PACSIN2: variants seen among roughly 807,000 people sequenced by gnomAD.
The protein encoded by PACSIN2 is protein kinase C and casein kinase substrate in neurons 2.
PACSIN2 carries 25 observed loss-of-function variants against 63.8 expected under a neutral mutation model. The observed-to-expected ratio is 0.39, with a 90% CI of 0.29 to 0.55. The LOEUF is 0.55. Ranked by LOEUF, PACSIN2 falls within the 20% of genes least tolerant of loss-of-function variation. The probability of loss-of-function intolerance (pLI) is 0.62; values close to 1 mark genes in which losing one functional copy is unlikely to be tolerated. For synonymous variants in PACSIN2, 255 were observed against 256.2 expected (o/e 1.00, Z 0.05); for missense variants, 518 against 646.9 (o/e 0.80, Z 2.16).
At chr22:42,950,840 G>A (rs1052430157) in intron 1 of PACSIN2, among the ~76,000 whole-genome samples, 3 of 152,184 alleles carry the variant, frequency 2.0e-5, no homozygotes, top group East Asian at 1.9e-4. Context: ...GTGGGGTCCC[G>A]GGATGGGTAG....
chr22:42,909,406 A>G, intron 2 of PACSIN2: 1 of 402,808 alleles, frequency 2.5e-6, no homozygotes, highest in Non-Finnish European at 5.2e-6. Context: ...CTTCCATGGG[A>G]AAGAGGAACT....
At chr22:42,920,967 G>A (rs901552326) in intron 1 of PACSIN2, among the ~76,000 whole-genome samples, 1 of 151,742 alleles carries the variant, frequency 6.6e-6, no homozygotes, top group Non-Finnish European at 1.5e-5. Context: ...GCTAATTTTT[G>A]TATTTTCCAG....
chr22:42,941,845 C>T (rs766193578), intron 1 of PACSIN2, among the ~76,000 whole-genome samples: 20 of 152,136 alleles, frequency 1.3e-4, no homozygotes, highest in Non-Finnish European at 2.2e-4. Context: ...GGCGCATTCT[C>T]GGCTCACTGC....
At chr22:42,964,155 T>C (rs1920934516) in intron 1 of PACSIN2, among the ~76,000 whole-genome samples, 1 of 152,226 alleles carries the variant, frequency 6.6e-6, no homozygotes, top group South Asian at 2.1e-4. Context: ...CGGTGGCCCA[T>C]GCCTGTAATC....
intron 1 of PACSIN2, among the ~76,000 whole-genome samples, chr22:42,928,417 G>T (rs1406132027): frequency 6.6e-6 from 1 of 152,242 alleles, no homozygotes; most frequent in East Asian, 1.9e-4. Context: ...GGAGGCAGGT[G>T]AGCCTCACAT....
At chr22:42,900,350 G>A (rs909860177) in intron 2 of PACSIN2, among the ~76,000 whole-genome samples, 6 of 152,210 alleles carry the variant, frequency 3.9e-5, no homozygotes, top group African/African-American at 7.2e-5. Context: ...TTTCACTAGC[G>A]ACGGCGTCAT....
intron 2 of PACSIN2, among the ~76,000 whole-genome samples, chr22:42,905,259 A>G (rs1274572936): frequency 6.6e-6 from 1 of 152,268 alleles, no homozygotes; most frequent in East Asian, 1.9e-4. Flanking sequence ...CTGTCTGCAC[A>G]ACAGAAGGAA....
At chr22:42,983,809 C>A (rs140106770) in intron 1 of PACSIN2, among the ~76,000 whole-genome samples, 80 of 151,836 alleles carry the variant, frequency 5.3e-4, no homozygotes, top group Non-Finnish European at 6.6e-4. Context: ...GAATCTTTGT[C>A]TTTGTTCTTC....
intron 1 of PACSIN2, among the ~76,000 whole-genome samples, chr22:42,934,320 A>G (rs1173849274): frequency 6.6e-6 from 1 of 152,252 alleles, no homozygotes; most frequent in Non-Finnish European, 1.5e-5. Flanking sequence ...CACAATTTCT[A>G]CGGGAAACGC....
chr22:42,959,235 C>T (rs1934037420), intron 1 of PACSIN2, among the ~76,000 whole-genome samples: 1 of 152,106 alleles, frequency 6.6e-6, no homozygotes, highest in Non-Finnish European at 1.5e-5. Context: ...AGATAATTTG[C>T]TTTCTCTCTC....
At chr22:42,974,779 A>AAGAAGG (rs1382303076) in intron 1 of PACSIN2, among the ~76,000 whole-genome samples, 1 of 149,560 alleles carries the variant, frequency 6.7e-6, no homozygotes, top group Non-Finnish European at 1.5e-5. Flanking sequence ...AAGAAAAGAG[A>AAGAAGG]AGAAGGAGGA....
chr22:42,955,286 A>G (rs1315611865), intron 1 of PACSIN2, among the ~76,000 whole-genome samples: 1 of 152,180 alleles, frequency 6.6e-6, no homozygotes, highest in Non-Finnish European at 1.5e-5. Flanking sequence ...TGAATGAATG[A>G]ATGAATGAAT....
At chr22:42,953,316 G>GA (rs1023051952) in intron 1 of PACSIN2, among the ~76,000 whole-genome samples, 5 of 151,996 alleles carry the variant, frequency 3.3e-5, no homozygotes, top group African/African-American at 9.7e-5. Flanking sequence ...AAATGCAATG[G>GA]AAAATGGGCA....
intron 1 of PACSIN2, among the ~76,000 whole-genome samples, chr22:42,997,805 C>T (rs544599906): frequency 1.2e-3 from 182 of 152,084 alleles, no homozygotes; most frequent in African/African-American, 4.2e-3. Context: ...CATCTGAACC[C>T]GTGAGGTGGA....
intron 6 of PACSIN2, 115 bp downstream of exon 6, chr22:42,884,268 TGAG>T: frequency 1.1e-6 from 1 of 870,236 alleles, no homozygotes; most frequent in Non-Finnish European, 1.8e-6. Context: ...CTGAGGGCGG[TGAG>T]GAGACCTCCT....
intron 1 of PACSIN2, among the ~76,000 whole-genome samples, chr22:42,939,603 A>G (rs2146799048): frequency 6.6e-6 from 1 of 152,276 alleles, no homozygotes; most frequent in South Asian, 2.1e-4. Context: ...TTTTTAACAG[A>G]AATATATAAC....
At chr22:42,973,040 G>A (rs976508395) in intron 1 of PACSIN2, among the ~76,000 whole-genome samples, 5 of 152,154 alleles carry the variant, frequency 3.3e-5, no homozygotes, top group East Asian at 3.8e-4. Context: ...GGGTCAATAC[G>A]GAAGTAAGAA....
chr22:42,998,871 G>A (rs182828266), intron 1 of PACSIN2, among the ~76,000 whole-genome samples: 61 of 152,228 alleles, frequency 4.0e-4, no homozygotes, highest in African/African-American at 1.4e-3. Context: ...AGAGGAAGTC[G>A]AGAGGAGTTG....
intron 1 of PACSIN2, among the ~76,000 whole-genome samples, chr22:43,008,774 C>G (rs774796195): frequency 3.3e-5 from 5 of 152,216 alleles, no homozygotes; most frequent in Non-Finnish European, 5.9e-5. Flanking sequence ...CAGAAAGCAT[C>G]TCATCTGTGA....
Sources: gnomAD v4.1 joint callset for allele counts (sites outside exome capture counted in the v4.1 genomes callset) on GRCh38, gnomAD v4.1.1 for gene constraint, MANE v1.5 for transcripts, NCBI Gene and HGNC (gene_info 2026-07-23, HGNC 2026-07-21) for gene names.